Variants in RYR3 observed in about 807,000 individuals in gnomAD.
RYR3 encodes ryanodine receptor 3.
RYR3 carries 207 observed loss-of-function variants against 584.3 expected under a neutral mutation model. The observed-to-expected ratio is 0.35, with a 90% confidence interval of 0.32 to 0.40. The LOEUF is 0.40. RYR3 is among the 10% of genes least tolerant of loss of function. RYR3 has a pLI of 1.00. For missense variants in RYR3, 5,616 were observed against 6,089.2 expected, an observed-to-expected ratio of 0.92 and a Z score of 2.59; for synonymous variants, 2,416 against 2,248.5, an observed-to-expected ratio of 1.07 and a Z score of -2.11.
chr15:33,609,421 C>T (rs1054876516), intron 18 of RYR3, among the ~76,000 whole-genome samples: 4 of 151,978 alleles, frequency 2.6e-5, no homozygotes, highest in African/African-American at 4.8e-5. Context: ...TTTGGGAGGC[C>T]GAGGTGGGAG....
intron 50 of RYR3, 42 bp from the exon 51 acceptor site, chr15:33,739,790 T>C (rs1162928653): frequency 6.4e-7 from 1 of 1,570,966 alleles, no homozygotes; most frequent in African/African-American, 1.4e-5. Flanking sequence ...AAAGGCATGG[T>C]TCTGCTTTCT....
At chr15:33,501,320 A>G (rs1035825127) in intron 2 of RYR3, among the ~76,000 whole-genome samples, 7 of 152,350 alleles carry the variant, frequency 4.6e-5, no homozygotes, top group Middle Eastern at 3.4e-3. Context: ...GTCTCAAACC[A>G]GACACAGGAA....
chr15:33,731,468 C>A lies in RYR3; in HGVS notation c.7204-6C>A. Reference sequence around the variant, plus strand: ...ATTAACCTGTGTCCCAATCTTCTTTCTCTAGGTTTCCCTAAGCACCACAGA... The same window carrying A: ...ATTAACCTGTGTCCCAATCTTCTTTATCTAGGTTTCCCTAAGCACCACAGA... On this transcript the variant is annotated splice_region_variant and splice_polypyrimidine_tract_variant and intron_variant, in intron 47 of 103. Coordinates refer to ENST00000634891, the MANE Select transcript of RYR3 (RefSeq NM_001036.6). 6.2e-7 allele frequency: 1 copy of A among 1,602,634 alleles called. No homozygotes were observed. The highest frequency in any genetic ancestry group is 1.7e-4 in the Middle Eastern group (1 of 6,048).
At chr15:33,336,143 T>C (rs917292676) in intron 1 of RYR3, among the ~76,000 whole-genome samples, 5 of 151,972 alleles carry the variant, frequency 3.3e-5, no homozygotes, top group Admixed American at 6.6e-5. Flanking sequence ...GAAAGTGAGA[T>C]AAAAAGATCA....
rs376900172 is a variant in RYR3, at chr15:33,311,315, A to G, written c.51+219A>G. Among the ~76,000 whole-genome samples, 212 of 152,138 alleles carry G rather than the reference A, an allele frequency of 1.4e-3. 1 individual carries two copies. The highest frequency in any genetic ancestry group is 4.9e-3 in the African/African-American group (205 of 41,504). On this transcript the variant is annotated intron_variant, in intron 1 of 103. Coordinates refer to ENST00000634891, the MANE Select transcript of RYR3 (RefSeq NM_001036.6). The surrounding 1 kb of genome is among the most constrained non-coding windows in gnomAD (Gnocchi z 4.4). ...TCTCCTGCCTCTCCCTTGTTCCCCT[A>G]CCGCCACCCCTGCCCCAGGCCCTCC...
rs1180164194 is a variant in RYR3 at position 33,464,503 on chromosome 15, T to TATATATATATATATATAC, written c.52-8915_52-8914insTATATATATATATATACA. On this transcript the variant is annotated intron_variant, in intron 1 of 103. Coordinates refer to ENST00000634891, the MANE Select transcript of RYR3 (RefSeq NM_001036.6). ...ATATATATATATACACATATATATA[T>TATATATATATATATATAC]ACATACACATACACATATATGTACA... 3.0e-4 allele frequency among the ~76,000 whole-genome samples: 32 copies of TATATATATATATATATAC among 105,904 alleles called. 2 individuals carry two copies. The highest frequency in any genetic ancestry group is 5.1e-4 in the East Asian group (2 of 3,950). 69.5% of individuals were successfully genotyped at this position (105,904 alleles called of 152,430 possible).
At chr15:33,494,659 C>CA (rs138585277) in intron 2 of RYR3, among the ~76,000 whole-genome samples, 52,004 of 151,554 alleles carry the variant, frequency 0.34, 10,822 homozygotes, top group Non-Finnish European at 0.46. Flanking sequence ...CCCCACCTCC[C>CA]AGAAAAAAGA....
At chr15:33,418,446 T>G (rs2043988424) in intron 1 of RYR3, among the ~76,000 whole-genome samples, 1 of 151,866 alleles carries the variant, frequency 6.6e-6, no homozygotes, top group Non-Finnish European at 1.5e-5. Flanking sequence ...GGCAAGAACA[T>G]TTTTCAGGTA....
At chr15:33,377,953 G>A (rs1444831676) in intron 1 of RYR3, among the ~76,000 whole-genome samples, 1 of 151,844 alleles carries the variant, frequency 6.6e-6, no homozygotes, top group African/African-American at 2.4e-5. Context: ...GCTAATTTTT[G>A]TATTTTTTTG....
At chr15:33,445,664 A>ATCACACACACAC (rs2046582595) in intron 1 of RYR3, among the ~76,000 whole-genome samples, 2 of 106,006 alleles carry the variant, frequency 1.9e-5, no homozygotes, top group Admixed American at 2.1e-4. Flanking sequence ...TTCCCCCACC[A>ATCACACACACAC]ACACACACAC....
At chr15:33,855,827 A>G (rs2079599929) in intron 98 of RYR3, 1 of 152,228 alleles carries the variant, frequency 6.6e-6, no homozygotes, top group Non-Finnish European at 1.5e-5. Flanking sequence ...ATGAGACTGG[A>G]TATAGCAACG....
chr15:33,618,082 A>G (rs2060541242), intron 19 of RYR3, among the ~76,000 whole-genome samples: 1 of 152,198 alleles, frequency 6.6e-6, no homozygotes, highest in Non-Finnish European at 1.5e-5. Context: ...TTGATCTTAT[A>G]TACACCCCAC....
At chr15:33,763,720 C>T (rs1326495117) in intron 60 of RYR3, among the ~76,000 whole-genome samples, 5 of 151,846 alleles carry the variant, frequency 3.3e-5, no homozygotes, top group East Asian at 3.9e-4. Flanking sequence ...GGTGAAACCC[C>T]GTCTCTACTA....
In RYR3 at chr15:33,601,423, T is replaced by C. The variant is rs2059654850; in HGVS notation, c.1793T>C (p.Leu598Pro). ...GGTGGGTGTGTCCTGCTGCAGGTTC[T>C]GGATATCCTGTGCTCCCTCTGTCTC... ...LDKHGRNHKV[L>P]DILCSLCLCN... The change falls in exon 17 of 104, where the codon CTG (leucine) becomes CCG (proline). Residue 598 changes from leucine (L) to proline (P), a missense_variant. Coordinates refer to ENST00000634891, the MANE Select transcript of RYR3 (RefSeq NM_001036.6). 1 of 1,612,252 alleles carries C rather than the reference T, an allele frequency of 6.2e-7. No individual in the cohort carries two copies. The highest frequency in any genetic ancestry group is 8.5e-7 in the Non-Finnish European group (1 of 1,179,310).
intron 4 of RYR3, among the ~76,000 whole-genome samples, chr15:33,531,294 A>G (rs1438431755): frequency 2.0e-5 from 3 of 149,948 alleles, no homozygotes; most frequent in Non-Finnish European, 4.5e-5. Flanking sequence ...ACTTGAAAAA[A>G]TTGCTACATT....
At chr15:33,551,725 A>G (rs1529847) in intron 10 of RYR3, among the ~76,000 whole-genome samples, 107,997 of 151,564 alleles carry the variant, frequency 0.71, 40,068 homozygotes, top group Middle Eastern at 0.89. Flanking sequence ...TGGTTTTCTG[A>G]GCATATCTTC....
chr15:33,679,816 C>T (rs777387715), intron 38 of RYR3, among the ~76,000 whole-genome samples: 9 of 152,088 alleles, frequency 5.9e-5, no homozygotes, highest in Non-Finnish European at 1.3e-4. Context: ...ATCTGCCCAG[C>T]TGAGAGTCAG....
Position 33,670,620 on chromosome 15 carries a change from T to A in RYR3, c.5860+64T>A, listed in dbSNP as rs1018115469. ...AAGACTTAATTAATGTAACTTTTTT[T>A]AAACAAATACTGTAAGATAGATAGG... On this transcript the variant is annotated intron_variant, in intron 38 of 103. Transcript: ENST00000634891. 17 of 1,472,700 alleles carry A rather than the reference T, an allele frequency of 1.2e-5. No homozygotes were observed. The Admixed American group carries it at 2.4e-4, about 21-fold the overall frequency. 91.2% of individuals were successfully genotyped at this position (1,472,700 alleles called of 1,614,324 possible).
chr15:33,407,961 G>A (rs1477984461), intron 1 of RYR3, among the ~76,000 whole-genome samples: 1 of 150,806 alleles, frequency 6.6e-6, no homozygotes, highest in East Asian at 1.9e-4. Flanking sequence ...TGAGGATAGG[G>A]TTGCCTTATT....
Sources: allele counts gnomAD v4.1 joint callset (sites outside exome capture counted in the v4.1 genomes callset), GRCh38; gene constraint gnomAD v4.1.1; non-coding constraint Gnocchi (gnomAD v3.1); transcripts MANE v1.5; gene names NCBI Gene and HGNC (gene_info 2026-07-23, HGNC 2026-07-21).